The following MRPS7 variants were observed in gnomAD, a reference collection of about 807,000 sequenced individuals.
MRPS7 encodes mitochondrial ribosomal protein S7, also known as small ribosomal subunit protein uS7m.
A neutral mutation model predicts 26.2 loss-of-function variants in MRPS7; 13 were observed. The ratio of observed to expected loss-of-function variants is 0.50; its 90% CI spans 0.32 to 0.79. MRPS7 has a LOEUF of 0.79. MRPS7 is among the 30% of genes least tolerant of loss of function. The probability of loss-of-function intolerance (pLI) is 0.03; values close to 1 mark genes in which losing one functional copy is unlikely to be tolerated. For synonymous variants in MRPS7, 129 were observed against 113.3 expected (o/e 1.14, Z -0.88); for missense variants, 318 against 312.2 (o/e 1.02, Z -0.14).
intron 4 of MRPS7, among the ~76,000 whole-genome samples, chr17:75,265,042 T>C (rs373641541): frequency 5.9e-5 from 9 of 152,030 alleles, no homozygotes; most frequent in South Asian, 4.2e-4. Flanking sequence ...TTTCTTCTTT[T>C]TCTTTTTCTT....
rs1025846423 is a variant in MRPS7, at chr17:75,266,067, A to G, written c.*144A>G. 5 of 681,510 alleles carry G rather than the reference A, an allele frequency of 7.3e-6. No individual in the cohort carries two copies. The highest frequency in any genetic ancestry group is 3.7e-5 in the South Asian group (2 of 53,532). 42.2% of individuals were successfully genotyped at this position (681,510 alleles called of 1,614,324 possible). A position where few individuals can be genotyped will look rare whatever the true frequency, so the allele number is the denominator to read the frequency against. ...AGAAAGATGTAGCAGCATATTCACT[A>G]TCCGTTAATCCTTCTTTCTTTGAGG... On this transcript the variant is annotated 3_prime_UTR_variant, in exon 5 of 5. Transcript: ENST00000245539.
rs535682767 is a variant in MRPS7 at position 75,265,685 on chromosome 17, T to C, written c.508-17T>C. Reference sequence around the variant, plus strand: ...GCAGACTCTTGGACCAACTTGCCTATGTCCTGTCTCACCCAGGTCCCTGTA... The same window carrying C: ...GCAGACTCTTGGACCAACTTGCCTACGTCCTGTCTCACCCAGGTCCCTGTA... On this transcript the variant is annotated splice_polypyrimidine_tract_variant and intron_variant, in intron 4 of 4. Coordinates refer to ENST00000245539, the MANE Select transcript of MRPS7 (RefSeq NM_015971.4). 6.2e-7 allele frequency: 1 copy of C among 1,610,366 alleles called. No homozygotes were observed. The highest frequency in any genetic ancestry group is 1.1e-5 in the South Asian group (1 of 90,980).
At chr17:75,265,153 C>A (rs1358163530) in intron 4 of MRPS7, among the ~76,000 whole-genome samples, 1 of 152,086 alleles carries the variant, frequency 6.6e-6, no homozygotes, top group Admixed American at 6.6e-5. Flanking sequence ...GCATTTCTAC[C>A]TCAGCCTCCC....
chr17:75,262,938 A>G, intron 3 of MRPS7, 71 bp downstream of exon 3: 1 of 1,453,268 alleles, frequency 6.9e-7, no homozygotes, highest in Non-Finnish European at 9.6e-7. Flanking sequence ...TGGTACTTTC[A>G]GTGTAGCTTA....
intron 4 of MRPS7, among the ~76,000 whole-genome samples, chr17:75,265,184 G>A (rs987876774): frequency 6.8e-6 from 1 of 146,712 alleles, no homozygotes; most frequent in Admixed American, 6.9e-5. Context: ...GATTACAGGC[G>A]CCTGCCACCA....
chr17:75,263,562 G>A (rs2077443020), intron 4 of MRPS7, 55 bp downstream of exon 4: 15 of 1,604,978 alleles, frequency 9.3e-6, no homozygotes, highest in East Asian at 2.2e-5. Context: ...AAACAAGATA[G>A]GTGGTGCTTG....
At position 75,261,990 on chromosome 17, in the gene MRPS7, G is replaced by T; in HGVS notation, c.83+7G>T. Reference sequence around the variant, plus strand: ...CTGTCTTGCAGCTTCCAGGGTGAGAGGGTGGCGAGCAGCGGCGGGGGGGCG... The same window carrying T: ...CTGTCTTGCAGCTTCCAGGGTGAGATGGTGGCGAGCAGCGGCGGGGGGGCG... On this transcript the variant is annotated splice_region_variant and intron_variant, in intron 1 of 4. Coordinates refer to ENST00000245539, the MANE Select transcript of MRPS7 (RefSeq NM_015971.4). The T allele has an allele frequency of 6.5e-7, 1 of 1,538,068 alleles. No homozygotes were observed.
At position 75,263,623 on chromosome 17, in the gene MRPS7, C is replaced by T. The variant is rs141182811; in HGVS notation, c.507+116C>T. The T allele has an allele frequency of 4.4e-4, 595 of 1,342,240 alleles. 2 individuals carry two copies. In the African/African-American group the frequency reaches 8.0e-3, roughly 18 times the overall value. 83.1% of individuals were successfully genotyped at this position (1,342,240 alleles called of 1,614,324 possible). On this transcript the variant is annotated intron_variant, in intron 4 of 4. Transcript: ENST00000245539. ...TCTAGCTGGTGCAGTGGGATTGCAC[C>T]TGTAATCTCAGCACTTTGGGAGCCT... is the stretch of plus-strand genomic sequence containing the variant.
intron 3 of MRPS7, 32 bp downstream of exon 3, chr17:75,262,899 C>T: frequency 6.2e-7 from 1 of 1,604,000 alleles, no homozygotes; most frequent in East Asian, 2.2e-5. Context: ...AGTCATCTTT[C>T]TTGCCCCCCT....
Position 75,266,288 on chromosome 17 carries a change from G to A in MRPS7, c.*365G>A. 2.7e-6 allele frequency: 1 copy of A among 366,502 alleles called. No homozygotes were observed. The highest frequency in any genetic ancestry group is 2.8e-5 in the South Asian group (1 of 36,326). 22.7% of individuals were successfully genotyped at this position (366,502 alleles called of 1,614,324 possible). On this transcript the variant is annotated 3_prime_UTR_variant, in exon 5 of 5. Coordinates refer to ENST00000245539, the MANE Select transcript of MRPS7 (RefSeq NM_015971.4). ...ACGCTGAACTGGTGTAGCATGTGGTGCAGCATTCAGTGAAACTGGCTGGAG... is the reference window on the plus strand; with the variant it reads ...ACGCTGAACTGGTGTAGCATGTGGTACAGCATTCAGTGAAACTGGCTGGAG...
chr17:75,264,673 CTTT>C (rs34581252), intron 4 of MRPS7, among the ~76,000 whole-genome samples: 5 of 135,206 alleles, frequency 3.7e-5, no homozygotes, highest in Admixed American at 7.5e-5. Context: ...TTGTTTTTAA[CTTT>C]TTTTTTTTTT....
rs770165905 is a variant in MRPS7, at chr17:75,265,812, A to G, written c.618A>G (p.Ser206=). 1 of 1,614,190 alleles carries G rather than the reference A, an allele frequency of 6.2e-7. No individual in the cohort carries two copies. The highest frequency in any genetic ancestry group is 2.2e-5 in the East Asian group (1 of 44,888). The change falls in exon 5 of 5, where the codon TCA becomes TCG. Residue 206 remains serine, a synonymous_variant. Transcript: ENST00000245539. ...GGACACTGATGCCGGAGAAGCTGTC[A>G]CACAAGCTGCTGGAGGCTTTCCATA... ...HQRTLMPEKL[S]HKLLEAFHNQ... is the part of the protein sequence containing the mutation.
At position 75,266,299 on chromosome 17, in the gene MRPS7, T is replaced by G. The variant is rs2077483265; in HGVS notation, c.*376T>G. Reference sequence around the variant, plus strand: ...GTGTAGCATGTGGTGCAGCATTCAGTGAAACTGGCTGGAGGAAATAGGCTT... The same window carrying G: ...GTGTAGCATGTGGTGCAGCATTCAGGGAAACTGGCTGGAGGAAATAGGCTT... On this transcript the variant is annotated 3_prime_UTR_variant, in exon 5 of 5. Transcript: ENST00000245539. The G allele has an allele frequency of 8.4e-6, 3 of 355,030 alleles. No homozygotes were observed. The highest frequency in any genetic ancestry group is 6.2e-5 in the African/African-American group (3 of 48,014). The allele number at this position is 355,030 out of a possible 1,614,324, so 22.0% of individuals were successfully genotyped here.
chr17:75,266,057 C>A lies in MRPS7; in HGVS notation c.*134C>A. 3 of 735,316 alleles carry A rather than the reference C, an allele frequency of 4.1e-6. No homozygotes were observed. The highest frequency in any genetic ancestry group is 6.7e-6 in the Non-Finnish European group (3 of 445,542). 45.5% of individuals were successfully genotyped at this position (735,316 alleles called of 1,614,324 possible). On this transcript the variant is annotated 3_prime_UTR_variant, in exon 5 of 5. Transcript: ENST00000245539. ...AGGCCTCGTAAGAAAGATGTAGCAG[C>A]ATATTCACTATCCGTTAATCCTTCT...
chr17:75,264,999 G>A (rs563659355), intron 4 of MRPS7, among the ~76,000 whole-genome samples: 31 of 152,118 alleles, frequency 2.0e-4, no homozygotes, highest in African/African-American at 6.5e-4. Context: ...AACTTGGTAG[G>A]ACTACCATTT....
Position 75,265,909 on chromosome 17 carries a change from T to C in MRPS7, c.715T>C (p.Tyr239His). Residue 239 changes from tyrosine to histidine, a missense_variant, in exon 5 of 5, where the codon TAC (tyrosine) becomes CAC (histidine). Tyr to His is a moderately conservative substitution (Grantham distance 83, BLOSUM62 2). Transcript: ENST00000245539. ...MAEANRALAH[Y>H]RWW The stretch of plus-strand genomic sequence containing the variant: ...AGAGGCCAACCGTGCCCTGGCCCAC[T>C]ACCGCTGGTGGTAGAGTCTCCAGGA... 2.5e-6 allele frequency: 4 copies of C among 1,613,706 alleles called. No individual in the cohort carries two copies. Among genetic ancestry groups the C allele is most frequent in the Non-Finnish European group, 2.5e-6 (3 of 1,179,938 alleles).
intron 1 of MRPS7, 193 bp downstream of exon 1, chr17:75,262,176 AT>A (rs1316051848): frequency 1.4e-6 from 1 of 709,438 alleles, no homozygotes; most frequent in African/African-American, 1.8e-5. Context: ...AGTCTGGCTG[AT>A]CTAGGGTTCT....
Position 75,265,756 on chromosome 17 carries a change from A to G in MRPS7, c.562A>G (p.Ile188Val). ...CCGCTTCCTAGCCATGAAGTGGATG[A>G]TCACTGAGTGCCGGGATAAAAAGCA... ...RRRFLAMKWM[I>V]TECRDKKHQR... is the part of the protein sequence containing the mutation. Residue 188 changes from isoleucine (I) to valine (V), a missense_variant, in exon 5 of 5, where the codon ATC becomes GTC. Transcript: ENST00000245539. 1 of 1,614,154 alleles carries G rather than the reference A, an allele frequency of 6.2e-7. No homozygotes were observed. The highest frequency in any genetic ancestry group is 8.5e-7 in the Non-Finnish European group (1 of 1,180,050).
chr17:75,265,646 G>A, intron 4 of MRPS7, 56 bp from the exon 5 acceptor site: 1 of 1,471,718 alleles, frequency 6.8e-7, no homozygotes, highest in Middle Eastern at 1.7e-4. Flanking sequence ...GGAGGCAGGA[G>A]GCCCCAAACC....
Sources: gnomAD v4.1 joint callset for allele counts (sites outside exome capture counted in the v4.1 genomes callset) on GRCh38, gnomAD v4.1.1 for gene constraint, MANE v1.5 for transcripts, NCBI Gene and HGNC (gene_info 2026-07-23, HGNC 2026-07-21) for gene names.